GALK2: variants seen among roughly 807,000 people sequenced by gnomAD.
The protein encoded by GALK2 is N-acetylgalactosamine kinase.
Under a neutral mutation model 52.4 loss-of-function variants are expected in GALK2, and 36 were observed. The observed-to-expected ratio is 0.69, with a 90% CI of 0.53 to 0.91. The LOEUF (loss-of-function observed/expected upper bound fraction) is 0.91, where lower values mean the gene tolerates loss of function less well. Among genes scored for constraint, GALK2 ranks in the 40% least tolerant of loss-of-function variants. GALK2 has a pLI of 0.00. For synonymous variants in GALK2, 176 were observed against 199.1 expected (o/e 0.88, Z 0.98); for missense variants, 579 against 559.1 (o/e 1.04, Z -0.36).
chr15:49,210,957 T>A (rs1025371383), intron 2 of GALK2, among the ~76,000 whole-genome samples: 6 of 112,768 alleles, frequency 5.3e-5, no homozygotes, highest in Admixed American at 1.0e-4. Context: ...ATGTTGGCTG[T>A]CACACACACA....
chr15:49,283,428 A>G (rs1239262716), intron 6 of GALK2, 138 bp from the exon 7 acceptor site: 9 of 702,750 alleles, frequency 1.3e-5, no homozygotes, highest in East Asian at 5.5e-5. Context: ...TGCCTAGTAC[A>G]GCGCCTGGAG....
At chr15:49,291,567 CACTG>C in intron 7 of GALK2, among the ~76,000 whole-genome samples, 1 of 152,294 alleles carries the variant, frequency 6.6e-6, no homozygotes, top group African/African-American at 2.4e-5. Flanking sequence ...GAGAAATCCT[CACTG>C]TTTTGATTGC....
At chr15:49,197,878 T>G (rs1301394129) in intron 1 of GALK2, among the ~76,000 whole-genome samples, 1 of 152,186 alleles carries the variant, frequency 6.6e-6, no homozygotes, top group Non-Finnish European at 1.5e-5. Flanking sequence ...TAAAACACCC[T>G]TAGAAAATAG....
At chr15:49,309,152 C>T (rs145441301) in intron 8 of GALK2, among the ~76,000 whole-genome samples, 54 of 152,296 alleles carry the variant, frequency 3.5e-4, no homozygotes, top group African/African-American at 1.3e-3. Context: ...ATCCAGACTG[C>T]TCTTGTGGAA....
chr15:49,177,230 T>C (rs1426336682), intron 1 of GALK2, among the ~76,000 whole-genome samples: 3 of 152,108 alleles, frequency 2.0e-5, no homozygotes, highest in African/African-American at 7.2e-5. Context: ...TTAATTTGCT[T>C]CTTCTAATTT....
intron 3 of GALK2, chr15:49,365,014 G>C: frequency 2.1e-6 from 1 of 467,816 alleles, no homozygotes; most frequent in African/African-American, 2.0e-5. Context: ...ATATATATTT[G>C]CAAACATATC....
At position 49,313,716 on chromosome 15, in the gene GALK2, T is replaced by G. The variant is rs79395201; in HGVS notation, c.968-5888T>G. Among the ~76,000 whole-genome samples, 855 of 152,352 alleles carry G rather than the reference T, an allele frequency of 5.6e-3. 6 individuals are homozygous for G. Among genetic ancestry groups the G allele is most frequent in the African/African-American group, 0.02 (813 of 41,584 alleles). On this transcript the variant is annotated intron_variant, in intron 8 of 9. Transcript: ENST00000560031. ...ACAGTATTGGGTGCATAGCAGGTGCTCAATAAGAACTGTTGGTTAACTTTT... is the reference window on the plus strand; with the variant it reads ...ACAGTATTGGGTGCATAGCAGGTGCGCAATAAGAACTGTTGGTTAACTTTT...
chr15:49,243,776 G>A (rs900563333), intron 5 of GALK2, among the ~76,000 whole-genome samples: 2 of 151,946 alleles, frequency 1.3e-5, no homozygotes, highest in African/African-American at 4.8e-5. Context: ...AGGAACCAAC[G>A]GTAAGATAGA....
chr15:49,364,445 G>C (rs1253184250), intron 3 of GALK2, among the ~76,000 whole-genome samples: 2 of 151,812 alleles, frequency 1.3e-5, no homozygotes, highest in East Asian at 3.9e-4. Context: ...ATTTCTGTGG[G>C]GTTGGTGGCA....
intron 3 of GALK2, among the ~76,000 whole-genome samples, chr15:49,345,501 A>AT (rs2041345437): frequency 1.3e-5 from 2 of 152,156 alleles, no homozygotes; most frequent in Admixed American, 1.3e-4. Context: ...ATAACTATAA[A>AT]TTTTTTCCGA....
chr15:49,283,431 G>A (rs1399156290), intron 6 of GALK2, 135 bp from the exon 7 acceptor site: 11 of 715,902 alleles, frequency 1.5e-5, no homozygotes, highest in Middle Eastern at 4.0e-4. Flanking sequence ...CTAGTACAGC[G>A]CCTGGAGGTC....
chr15:49,170,000 A>G (rs1160201511), upstream of GALK2: 5 of 301,022 alleles, frequency 1.7e-5, no homozygotes, highest in African/African-American at 1.0e-4. Flanking sequence ...CACAGGGCGC[A>G]AAAAGAAAAC....
intron 5 of GALK2, among the ~76,000 whole-genome samples, chr15:49,258,629 A>G (rs2091918876): frequency 6.6e-6 from 1 of 152,052 alleles, no homozygotes; most frequent in Non-Finnish European, 1.5e-5. Flanking sequence ...TATGTAACTC[A>G]GGTCCCAGGA....
intron 3 of GALK2, among the ~76,000 whole-genome samples, chr15:49,359,624 C>G (rs2151387190): frequency 7.9e-6 from 1 of 126,244 alleles, no homozygotes; most frequent in South Asian, 2.6e-4. Flanking sequence ...AATAGGAACA[C>G]TTTTACACTG....
intron 5 of GALK2, among the ~76,000 whole-genome samples, chr15:49,252,887 TATTAGATAGTTTA>T (rs1016798013): frequency 4.8e-5 from 7 of 144,848 alleles, no homozygotes; most frequent in South Asian, 2.2e-4. Context: ...TTTCTTTAAT[TATTAGATAGTTTA>T]ATTAGATAGT....
chr15:49,197,739 T>C (rs926904244), intron 1 of GALK2, among the ~76,000 whole-genome samples: 1 of 152,196 alleles, frequency 6.6e-6, no homozygotes, highest in African/African-American at 2.4e-5. Flanking sequence ...TGTAATTATA[T>C]ACTATGGTAC....
upstream of GALK2, among the ~76,000 whole-genome samples, chr15:49,169,623 AT>A (rs895997504): frequency 1.3e-5 from 2 of 152,126 alleles, no homozygotes; most frequent in Non-Finnish European, 2.9e-5. Context: ...GGCATCTAGG[AT>A]TTCTCTAGAT....
At chr15:49,298,999 A>G (rs2034725565) in intron 8 of GALK2, among the ~76,000 whole-genome samples, 2 of 152,016 alleles carry the variant, frequency 1.3e-5, no homozygotes, top group African/African-American at 4.8e-5. Context: ...TCTTCTTTAT[A>G]TGTTTGGTAG....
exon 1 of GALK2, chr15:49,155,992 C>CT (rs1448881216): frequency 6.2e-7 from 1 of 1,614,062 alleles, no homozygotes; most frequent in Admixed American, 1.7e-5. Flanking sequence ...GGAGAAAAGG[C>CT]TGACATGCCC....
Sources: allele counts gnomAD v4.1 joint callset (sites outside exome capture counted in the v4.1 genomes callset), GRCh38; gene constraint gnomAD v4.1.1; transcripts MANE v1.5; gene names NCBI Gene and HGNC (gene_info 2026-07-23, HGNC 2026-07-21).